The following AFF3 variants were observed in gnomAD, a reference collection of about 807,000 sequenced individuals.
AFF3 encodes AF4/FMR2 family member 3.
In AFF3, 32 loss-of-function variants were observed where a neutral mutation model predicts 129.7. The observed-to-expected ratio is 0.25, with a 90% CI of 0.19 to 0.33. The LOEUF (loss-of-function observed/expected upper bound fraction) is 0.33, where lower values mean the gene tolerates loss of function less well. Ranked by LOEUF, AFF3 falls within the 10% of genes least tolerant of loss-of-function variation. AFF3 has a pLI of 1.00. For synonymous variants in AFF3, 644 were observed against 635.4 expected (o/e 1.01, Z -0.20); for missense variants, 1,373 against 1,592.0 (o/e 0.86, Z 2.34).
At chr2:100,050,900 G>A (rs1292091516) in intron 4 of AFF3, among the ~76,000 whole-genome samples, 1 of 152,174 alleles carries the variant, frequency 6.6e-6, no homozygotes, top group Non-Finnish European at 1.5e-5. Context: ...CAGCCAACAA[G>A]GGAACAGTCC....
At chr2:99,877,125 C>T (rs1221538992) in intron 7 of AFF3, among the ~76,000 whole-genome samples, 2 of 152,168 alleles carry the variant, frequency 1.3e-5, no homozygotes, top group African/African-American at 4.8e-5. Context: ...TGGGAAATTC[C>T]TGTCTCCCAC....
At chr2:99,576,322 C>T (rs182358728) in intron 18 of AFF3, among the ~76,000 whole-genome samples, 3 of 149,556 alleles carry the variant, frequency 2.0e-5, no homozygotes, top group Admixed American at 1.3e-4. Context: ...TGAGCCACTG[C>T]GCCCAGCCGT....
intron 11 of AFF3, among the ~76,000 whole-genome samples, chr2:99,689,009 G>A (rs1161691549): frequency 1.3e-5 from 2 of 152,148 alleles, no homozygotes; most frequent in East Asian, 1.9e-4. Context: ...TCCTCTGCAC[G>A]TGGGTTTTGA....
intron 8 of AFF3, among the ~76,000 whole-genome samples, chr2:99,773,729 G>A (rs1683674899): frequency 6.6e-6 from 1 of 152,118 alleles, no homozygotes; most frequent in Non-Finnish European, 1.5e-5. Flanking sequence ...TTCTGGCCAG[G>A]GCAATCAGGC....
chr2:99,693,716 A>C (rs922589187), intron 11 of AFF3, among the ~76,000 whole-genome samples: 7 of 152,176 alleles, frequency 4.6e-5, no homozygotes, highest in African/African-American at 1.7e-4. Flanking sequence ...ATTACCAAAA[A>C]ATAATGTCAT....
chr2:99,898,864 C>A (rs780100412), intron 7 of AFF3, among the ~76,000 whole-genome samples: 1 of 152,204 alleles, frequency 6.6e-6, no homozygotes, highest in Non-Finnish European at 1.5e-5. Flanking sequence ...CTTTGGCCAA[C>A]GCTGACTCCC....
Position 99,960,608 on chromosome 2 carries a change from A to C in AFF3, c.873+46024T>G, listed in dbSNP as rs559453934. 1.8e-4 allele frequency among the ~76,000 whole-genome samples: 27 copies of C among 152,122 alleles called. 1 individual carries two copies. In the South Asian group the frequency reaches 5.6e-3, roughly 32 times the overall value. On this transcript the variant is annotated intron_variant, in intron 7 of 24. Coordinates refer to ENST00000672756, the MANE Select transcript of AFF3 (RefSeq NM_001386135.1). The stretch of plus-strand genomic sequence containing the variant: ...AACAAGTGCTTTGCTTCACATTACA[A>C]CCTTTCGTTAAGAAGTCAAGCTTGC...
intron 4 of AFF3, among the ~76,000 whole-genome samples, chr2:100,042,859 T>C (rs1685547736): frequency 6.6e-6 from 1 of 152,210 alleles, no homozygotes; most frequent in Admixed American, 6.5e-5. Context: ...ATTCTTAAAC[T>C]AAGAAAATGT....
chr2:99,865,222 T>A (rs1691297238), intron 7 of AFF3, among the ~76,000 whole-genome samples: 1 of 152,214 alleles, frequency 6.6e-6, no homozygotes, highest in Non-Finnish European at 1.5e-5. Context: ...TCCATTGCCA[T>A]GGCCCAGCCA....
chr2:99,557,561 C>T (rs1675057358), intron 22 of AFF3, among the ~76,000 whole-genome samples: 1 of 152,326 alleles, frequency 6.6e-6, no homozygotes, highest in South Asian at 2.1e-4. Flanking sequence ...CTTCTTTATT[C>T]AAGCATTTTC....
At chr2:100,011,311 C>A (rs73964401) in intron 4 of AFF3, among the ~76,000 whole-genome samples, 4,617 of 152,220 alleles carry the variant, frequency 0.03, 139 homozygotes, top group African/African-American at 0.077. Flanking sequence ...CATCATAACT[C>A]TCCCCTTTTC....
At chr2:99,578,273 A>G (rs1228311692) in intron 18 of AFF3, 54 bp downstream of exon 18, 1 of 1,520,384 alleles carries the variant, frequency 6.6e-7, no homozygotes, top group Non-Finnish European at 8.8e-7. Context: ...CTTCCACCTG[A>G]GCAGCTTCTG....
chr2:99,880,801 T>C (rs1285229573), intron 7 of AFF3, among the ~76,000 whole-genome samples: 1 of 152,108 alleles, frequency 6.6e-6, no homozygotes, highest in Non-Finnish European at 1.5e-5. Flanking sequence ...GGCATCTGTA[T>C]GTGGCGACAG....
At chr2:99,919,892 A>C (rs941555723) in intron 7 of AFF3, among the ~76,000 whole-genome samples, 4 of 152,118 alleles carry the variant, frequency 2.6e-5, no homozygotes, top group African/African-American at 9.6e-5. Context: ...AGTGAATATG[A>C]CTACAGATTA....
Position 99,618,893 on chromosome 2 carries a change from G to GATTCATTCATTCATTC in AFF3, c.1185-17288_1185-17273dup, listed in dbSNP as rs112677518. On this transcript the variant is annotated intron_variant, in intron 13 of 24. Transcript: ENST00000672756. ...TGCAAAGCTACAGATAGCTCTGATC[G>GATTCATTCATTCATTC]ATTCATTCATTCATTCATTCATTCA... Among the ~76,000 whole-genome samples, 1,451 of 149,952 alleles carry GATTCATTCATTCATTC rather than the reference G, an allele frequency of 9.7e-3. 15 individuals carry two copies. The highest frequency in any genetic ancestry group is 0.02 in the African/African-American group (830 of 40,690).
At chr2:100,056,993 C>T (rs1017691858) in intron 4 of AFF3, among the ~76,000 whole-genome samples, 2 of 152,252 alleles carry the variant, frequency 1.3e-5, no homozygotes, top group East Asian at 1.9e-4. Flanking sequence ...GTCTTCCACA[C>T]ATTCAAGAAA....
intron 20 of AFF3, among the ~76,000 whole-genome samples, chr2:99,562,161 T>A (rs1675532915): frequency 6.6e-6 from 1 of 152,230 alleles, no homozygotes; most frequent in Admixed American, 6.5e-5. Flanking sequence ...GTTTATCTTA[T>A]TTAGGTTTTT....
chr2:99,938,088 A>T (rs1359993365), intron 7 of AFF3, among the ~76,000 whole-genome samples: 3 of 151,956 alleles, frequency 2.0e-5, no homozygotes, highest in African/African-American at 7.3e-5. Flanking sequence ...TAAAATACCT[A>T]CTCTTTAGAT....
chr2:99,858,455 G>T (rs1192189588), intron 7 of AFF3, among the ~76,000 whole-genome samples: 2 of 152,012 alleles, frequency 1.3e-5, no homozygotes, highest in Non-Finnish European at 2.9e-5. Flanking sequence ...GGAGACTGAG[G>T]TGGGAGGACT....
Sources: allele counts gnomAD v4.1 joint callset (sites outside exome capture counted in the v4.1 genomes callset), GRCh38; gene constraint gnomAD v4.1.1; transcripts MANE v1.5; gene names NCBI Gene and HGNC (gene_info 2026-07-23, HGNC 2026-07-21).